The following MID1 variants were observed in gnomAD, a reference collection of about 807,000 sequenced individuals.
MID1 encodes the protein E3 ubiquitin-protein ligase Midline-1.
MID1 carries 7 observed loss-of-function variants against 40.4 expected under a neutral mutation model. That is an observed-to-expected ratio of 0.17 (90% CI 0.10 to 0.33). The LOEUF (loss-of-function observed/expected upper bound fraction) is 0.33. Ranked by LOEUF, MID1 falls within the 10% of genes least tolerant of loss-of-function variation. The probability of loss-of-function intolerance (pLI) is 1.00; values close to 1 mark genes in which losing one functional copy is unlikely to be tolerated. For missense variants in MID1, 367 were observed against 558.5 expected, an observed-to-expected ratio of 0.66 and a Z score of 3.46; for synonymous variants, 229 against 221.2, an observed-to-expected ratio of 1.04 and a Z score of -0.31.
At chrX:10,657,729 C>T (rs1308328392) in intron 1 of MID1, among the ~76,000 whole-genome samples, 3 of 112,267 alleles carry the variant, frequency 2.7e-5, no homozygotes, top group Non-Finnish European at 5.6e-5. Context: ...GAGAATGATA[C>T]TCTGATATGG....
At chrX:10,687,676 TC>T (rs1301246189) in intron 1 of MID1, among the ~76,000 whole-genome samples, 1 of 112,173 alleles carries the variant, frequency 8.9e-6, no homozygotes. Context: ...TTTATTTTAA[TC>T]AGTAGGACAT....
chrX:10,646,837 T>C (rs1318672873), intron 1 of MID1, among the ~76,000 whole-genome samples: 1 of 112,019 alleles, frequency 8.9e-6, no homozygotes, highest in Non-Finnish European at 1.9e-5. Context: ...GAAAACAGCA[T>C]TTACCTAATT....
intron 1 of MID1, among the ~76,000 whole-genome samples, chrX:10,570,189 C>T (rs753127039): frequency 3.6e-5 from 4 of 111,597 alleles, no homozygotes; most frequent in Non-Finnish European, 7.5e-5. Context: ...GAGCACATGG[C>T]CTCGTTCTGA....
At chrX:10,516,932 G>A (rs1357928772) in intron 3 of MID1, among the ~76,000 whole-genome samples, 1 of 111,088 alleles carries the variant, frequency 9.0e-6, no homozygotes, top group Non-Finnish European at 1.9e-5. Context: ...GTTATCCACC[G>A]TTTTAAAAAT....
chrX:10,482,427 C>T (rs199836286), intron 5 of MID1, 53 bp downstream of exon 5: 71 of 1,164,244 alleles, frequency 6.1e-5, no homozygotes, highest in Middle Eastern at 3.0e-4. Flanking sequence ...CCAATCACAG[C>T]GCAGATACAA....
intron 1 of MID1, among the ~76,000 whole-genome samples, chrX:10,641,242 G>A (rs1936191159): frequency 9.0e-6 from 1 of 111,600 alleles, no homozygotes; most frequent in African/African-American, 3.3e-5. Context: ...CTGGTTTTTT[G>A]AAAAGATCAA....
chrX:10,449,548 C>G lies in MID1; in HGVS notation c.1824G>C (p.Leu608=), dbSNP rs1404986666. ...AGGCGATAGAGCCGTTATCATAGTCCAGCAGGATGCCCACGCGCCGGAGGT... is the reference window on the plus strand; with the variant it reads ...AGGCGATAGAGCCGTTATCATAGTCGAGCAGGATGCCCACGCGCCGGAGGT... ...APHLRRVGIL[L]DYDNGSIAFY... is the part of the protein sequence containing the mutation. The change falls in exon 10 of 10, where the codon CTG becomes CTC. Residue 608 remains leucine (L), a synonymous_variant. Coordinates refer to ENST00000317552, the MANE Select transcript of MID1 (RefSeq NM_000381.4). The G allele has an allele frequency of 8.3e-7, 1 of 1,211,855 alleles. No homozygotes were observed.
intron 1 of MID1, among the ~76,000 whole-genome samples, chrX:10,673,341 C>T (rs1192449221): frequency 9.0e-6 from 1 of 111,436 alleles, no homozygotes; most frequent in Non-Finnish European, 1.9e-5. Flanking sequence ...TATGTCACAG[C>T]GTACATGCAG....
At chrX:10,705,370 C>T (rs1396860246) in intron 1 of MID1, among the ~76,000 whole-genome samples, 1 of 111,754 alleles carries the variant, frequency 8.9e-6, no homozygotes, top group African/African-American at 3.3e-5. Context: ...CTTGATTTCT[C>T]CCAGTATGCC....
At chrX:10,695,473 C>G (rs1290455148) in intron 1 of MID1, among the ~76,000 whole-genome samples, 1 of 111,772 alleles carries the variant, frequency 8.9e-6, no homozygotes, top group Non-Finnish European at 1.9e-5. Context: ...GCATTTCTGA[C>G]TATTGAATGC....
At chrX:10,549,370 C>CAT (rs1406403930) in intron 2 of MID1, among the ~76,000 whole-genome samples, 1 of 113,311 alleles carries the variant, frequency 8.8e-6, no homozygotes, top group Non-Finnish European at 1.9e-5. Context: ...TGTGGCCTAG[C>CAT]ATATGGGTTT....
intron 2 of MID1, among the ~76,000 whole-genome samples, chrX:10,552,170 TA>T (rs34084751): frequency 0.42 from 41,800 of 98,388 alleles, 6,760 homozygotes; most frequent in Non-Finnish European, 0.46. Flanking sequence ...GAAGGAGTGG[TA>T]AAAAAAAAAA....
chrX:10,762,966 A>T (rs2043690705), intron 1 of MID1, among the ~76,000 whole-genome samples: 1 of 111,564 alleles, frequency 9.0e-6, no homozygotes. Flanking sequence ...CTTAGTTTAG[A>T]TAGGCTTGTC....
intron 1 of MID1, among the ~76,000 whole-genome samples, chrX:10,653,150 T>G (rs1398043716): frequency 1.8e-5 from 2 of 112,312 alleles, no homozygotes; most frequent in Non-Finnish European, 3.8e-5. Context: ...GATGCTTTAC[T>G]GTCCCCAGCT....
chrX:10,524,424 T>A (rs958822845), intron 2 of MID1, among the ~76,000 whole-genome samples: 28 of 111,479 alleles, frequency 2.5e-4, no homozygotes, highest in Non-Finnish European at 1.7e-4. Flanking sequence ...CACAAAACAA[T>A]CTCATAATGT....
At chrX:10,731,096 G>T (rs969795682) in intron 1 of MID1, among the ~76,000 whole-genome samples, 3 of 111,718 alleles carry the variant, frequency 2.7e-5, no homozygotes, top group Admixed American at 9.5e-5. Context: ...GAGATGAAAA[G>T]AATATTTGTA....
chrX:10,714,575 T>C (rs2043288528), intron 1 of MID1, among the ~76,000 whole-genome samples: 1 of 112,971 alleles, frequency 8.9e-6, no homozygotes, highest in South Asian at 3.6e-4. Context: ...TAATCGAATC[T>C]GGAACATTTT....
At chrX:10,733,483 G>A (rs776611473) in intron 1 of MID1, among the ~76,000 whole-genome samples, 286 of 111,653 alleles carry the variant, frequency 2.6e-3, no homozygotes, top group Non-Finnish European at 4.5e-3. Flanking sequence ...CAAAAGTTGT[G>A]CTTATCAAAA....
intron 2 of MID1, among the ~76,000 whole-genome samples, chrX:10,534,809 A>G (rs1933179495): frequency 8.9e-6 from 1 of 112,781 alleles, no homozygotes; most frequent in Non-Finnish European, 1.9e-5. Context: ...AGGAATTTAC[A>G]AAATCAATAT....
Sources: allele counts gnomAD v4.1 joint callset (sites outside exome capture counted in the v4.1 genomes callset), GRCh38; gene constraint gnomAD v4.1.1; transcripts MANE v1.5; gene names NCBI Gene and HGNC (gene_info 2026-07-23, HGNC 2026-07-21).